TEX36: variants seen among roughly 807,000 people sequenced by gnomAD.
TEX36 encodes the protein testis expressed 36.
TEX36 carries 12 observed loss-of-function variants against 13.6 expected under a neutral mutation model. The observed-to-expected ratio is 0.88, with a 90% CI of 0.56 to 1.43. TEX36 has a LOEUF of 1.43. Among genes scored for constraint, TEX36 ranks in the 40% most tolerant of loss-of-function variants. The pLI, the probability that TEX36 is intolerant of heterozygous loss-of-function variation, is 0.00. For synonymous variants in TEX36, 93 were observed against 83.0 expected (o/e 1.12, Z -0.65); for missense variants, 224 against 228.3 (o/e 0.98, Z 0.12).
Position 125,661,939 on chromosome 10 carries a change from G to A in TEX36, c.90C>T (p.Ser30=). 1 of 1,552,372 alleles carries A rather than the reference G, an allele frequency of 6.4e-7. No individual in the cohort carries two copies. The highest frequency in any genetic ancestry group is 8.7e-7 in the Non-Finnish European group (1 of 1,147,128). The change falls in exon 2 of 4, where the codon TCC becomes TCT. Residue 30 remains serine, a synonymous_variant. Transcript: ENST00000368821. ...GCTCTTTTGACGTAGCACTGGTGAT[G>A]GATTCTGGTGTCTTTTGCGTTAGCC... ...HIGLTQKTPE[S]ITSATSKEPQ...
At chr10:125,667,926 T>C (rs994829870) in intron 1 of TEX36, 7 of 1,227,154 alleles carry the variant, frequency 5.7e-6, no homozygotes, top group African/African-American at 1.5e-5. Flanking sequence ...TGCTCCAGGG[T>C]CAATGCTGGA....
At chr10:125,647,953 G>A (rs1045733990) in intron 3 of TEX36, among the ~76,000 whole-genome samples, 1 of 152,218 alleles carries the variant, frequency 6.6e-6, no homozygotes, top group Non-Finnish European at 1.5e-5. Flanking sequence ...GCAAGGCTGG[G>A]GGAGGGGCAT....
intron 1 of TEX36, 73 bp from the exon 2 acceptor site, chr10:125,662,050 T>C: frequency 6.6e-7 from 1 of 1,525,948 alleles, no homozygotes. Flanking sequence ...AGGGCTTCCT[T>C]TGTACAGTGA....
chr10:125,617,425 C>T (rs914428114), downstream of TEX36, among the ~76,000 whole-genome samples: 2 of 152,094 alleles, frequency 1.3e-5, no homozygotes, highest in Middle Eastern at 3.2e-3. Flanking sequence ...TGGCTGGTAC[C>T]AGTTGTTCCT....
intron 3 of TEX36, among the ~76,000 whole-genome samples, chr10:125,599,639 C>T (rs1846121627): frequency 6.6e-6 from 1 of 152,154 alleles, no homozygotes; most frequent in Non-Finnish European, 1.5e-5. Flanking sequence ...GGAACACACA[C>T]CTTGCTGGAA....
intron 3 of TEX36, among the ~76,000 whole-genome samples, chr10:125,647,879 C>A (rs1846795332): frequency 6.6e-6 from 1 of 152,206 alleles, no homozygotes; most frequent in South Asian, 2.1e-4. Flanking sequence ...CTCAGAGGGT[C>A]CCACGCCCAC....
chr10:125,667,588 G>A (rs189809053), intron 1 of TEX36: 45 of 733,182 alleles, frequency 6.1e-5, no homozygotes, highest in East Asian at 1.5e-4. Flanking sequence ...TGGTGGTCTC[G>A]CCATTTGTCC....
chr10:125,589,414 C>T (rs1427208651), intron 3 of TEX36, among the ~76,000 whole-genome samples: 1 of 152,052 alleles, frequency 6.6e-6, no homozygotes, highest in African/African-American at 2.4e-5. Flanking sequence ...TAGTGGCCAC[C>T]CTTGTCTTAT....
At chr10:125,591,955 A>G (rs1589744301) in intron 3 of TEX36, among the ~76,000 whole-genome samples, 1 of 152,198 alleles carries the variant, frequency 6.6e-6, no homozygotes, top group African/African-American at 2.4e-5. Flanking sequence ...ACAGAGTGAC[A>G]GTCGTAATCA....
intron 3 of TEX36, among the ~76,000 whole-genome samples, chr10:125,649,875 C>T (rs183266019): frequency 2.6e-5 from 4 of 152,130 alleles, no homozygotes; most frequent in African/African-American, 9.6e-5. Context: ...GACTTTAAAC[C>T]AACAAAGATC....
intron 1 of TEX36, among the ~76,000 whole-genome samples, chr10:125,673,561 T>G (rs1377417936): frequency 6.6e-6 from 1 of 151,784 alleles, no homozygotes; most frequent in Admixed American, 6.6e-5. Context: ...AAATACAAAA[T>G]TAGCTGGGCA....
rs753239623 is a variant in TEX36 at position 125,655,907 on chromosome 10, T to A, written c.554A>T (p.Glu185Val). The A allele has an allele frequency of 8.5e-6, 13 of 1,520,478 alleles. No homozygotes were observed. Among genetic ancestry groups the A allele is most frequent in the Non-Finnish European group, 1.1e-5 (12 of 1,131,526 alleles). The allele number at this position is 1,520,478 out of a possible 1,614,324, so 94.2% of individuals were successfully genotyped here. Residue 185 changes from glutamate (E) to valine (V), a missense_variant, in exon 4 of 4, where the codon GAG becomes GTG. Glu to Val is a moderately radical substitution (Grantham distance 121). Coordinates refer to ENST00000368821, the MANE Select transcript of TEX36 (RefSeq NM_001128202.3). Reference protein sequence around the residue: ...TVDKKVVSSLES With the variant: ...TVDKKVVSSLVS ...AAAAATCTTCTGGGAGGATTAGGAC[T>A]CCAGTGAAGAAACAACCTTTTTGTC...
intron 1 of TEX36, among the ~76,000 whole-genome samples, chr10:125,671,982 T>G (rs921664456): frequency 2.0e-5 from 3 of 152,202 alleles, no homozygotes; most frequent in African/African-American, 7.2e-5. Flanking sequence ...TCATATCCCC[T>G]TTATCATTTT....
At chr10:125,623,366 A>G (rs1229657687) in intron 3 of TEX36, among the ~76,000 whole-genome samples, 1 of 152,132 alleles carries the variant, frequency 6.6e-6, no homozygotes, top group Non-Finnish European at 1.5e-5. Flanking sequence ...TCCTCTGGCA[A>G]CACCCTCCAA....
chr10:125,577,000 G>T (rs1436301692), intron 3 of TEX36: 1 of 1,248,290 alleles, frequency 8.0e-7, no homozygotes, highest in Non-Finnish European at 1.1e-6. Context: ...CCCAGAGAAG[G>T]ATTTAGTGAG....
intron 3 of TEX36, among the ~76,000 whole-genome samples, chr10:125,582,441 T>C (rs970060205): frequency 6.6e-6 from 1 of 152,206 alleles, no homozygotes; most frequent in Admixed American, 6.5e-5. Context: ...TTCCCCAGTC[T>C]CAAGAGCATG....
intron 1 of TEX36, among the ~76,000 whole-genome samples, chr10:125,676,357 A>G (rs1259462096): frequency 6.6e-6 from 1 of 152,212 alleles, no homozygotes; most frequent in Non-Finnish European, 1.5e-5. Flanking sequence ...ATTTATCATT[A>G]TATAATGACC....
chr10:125,663,941 A>T, intron 1 of TEX36, among the ~76,000 whole-genome samples: 1 of 152,106 alleles, frequency 6.6e-6, no homozygotes, highest in Non-Finnish European at 1.5e-5. Flanking sequence ...CAACTACTAG[A>T]TCTTATTCAT....
chr10:125,579,576 T>C (rs1467285862), intron 3 of TEX36, among the ~76,000 whole-genome samples: 9 of 152,216 alleles, frequency 5.9e-5, no homozygotes, highest in Admixed American at 5.9e-4. Flanking sequence ...CTGATTTGGT[T>C]TGGATTTGTG....
Sources: gnomAD v4.1 joint callset for allele counts (sites outside exome capture counted in the v4.1 genomes callset) on GRCh38, gnomAD v4.1.1 for gene constraint, MANE v1.5 for transcripts, NCBI Gene and HGNC (gene_info 2026-07-23, HGNC 2026-07-21) for gene names.